Variants in KMT2D observed in about 807,000 individuals in gnomAD.
KMT2D encodes the protein lysine methyltransferase 2D.
KMT2D carries 55 observed loss-of-function variants against 512.7 expected under a neutral mutation model. That is an observed-to-expected ratio of 0.11 (90% CI 0.09 to 0.13). KMT2D has a LOEUF of 0.13. Among genes scored for constraint, KMT2D ranks in the 10% least tolerant of loss-of-function variants. The probability of loss-of-function intolerance (pLI) is 1.00; values close to 1 mark genes in which losing one functional copy is unlikely to be tolerated. For synonymous variants in KMT2D, 2,995 were observed against 2,904.0 expected (o/e 1.03, Z -1.01); for missense variants, 6,061 against 7,127.9 (o/e 0.85, Z 5.39).
intron 19 of KMT2D, 101 bp downstream of exon 19, chr12:49,045,819 C>T (rs769243674): frequency 3.8e-5 from 40 of 1,040,346 alleles, no homozygotes; most frequent in African/African-American, 6.3e-5. Flanking sequence ...GTCTGAGTTT[C>T]CTCCTCTTAA....
chr12:49,019,786 G>A lies in KMT2D; in HGVS notation c.*1994C>T. 1 of 231,732 alleles carries A rather than the reference G, an allele frequency of 4.3e-6. No individual in the cohort carries two copies. The highest frequency in any genetic ancestry group is 8.5e-6 in the Non-Finnish European group (1 of 117,054). 14.4% of individuals were successfully genotyped at this position (231,732 alleles called of 1,614,324 possible). A position where few individuals can be genotyped will look rare whatever the true frequency, so the allele number is the denominator to read the frequency against. On this transcript the variant is annotated 3_prime_UTR_variant, in exon 55 of 55. Transcript: ENST00000301067. ...AACATTTGCAGCTTGAAACAGTTGA[G>A]GAAGCAGCTTTAAAAAAAAAAAATC... is the stretch of plus-strand genomic sequence containing the variant.
rs748135755 is a variant in KMT2D, at chr12:49,030,935, G to A, written c.13629C>T (p.Asp4543=). 41 of 1,613,822 alleles carry A rather than the reference G, an allele frequency of 2.5e-5. No homozygotes were observed. The highest frequency in any genetic ancestry group is 1.3e-4 in the Admixed American group (8 of 60,004). ...VSSRKKLRKE[D]GVRASEALLK... ...GCAAGGCCTCGCTGGCCCTGACCCC[G>A]TCCTCCTTCCGCAGCTTCTTTCGGG... The change falls in exon 41 of 55, where the codon GAC becomes GAT. Residue 4543 remains aspartate, a synonymous_variant. Coordinates refer to ENST00000301067, the MANE Select transcript of KMT2D (RefSeq NM_003482.4).
chr12:49,026,986 G>C lies in KMT2D; in HGVS notation c.14980C>G (p.Leu4994Val), dbSNP rs748211657. The change falls in exon 49 of 55, where the codon CTG becomes GTG. Residue 4994 changes from leucine (L) to valine (V), a missense_variant. Physicochemically the swap from Leu to Val is conservative, Grantham distance 32. Coordinates refer to ENST00000301067, the MANE Select transcript of KMT2D (RefSeq NM_003482.4). The surrounding 1 kb of genome is among the most constrained non-coding windows in gnomAD (Gnocchi z 9.6). ...CGCCCACTGCCCTTCTGGATGGTCA[G>C]CAGCAGCCGAAGCCGCTTCCAGCGC... ...GVRWKRLRLL[L>V]TIQKGSGRQE... 2 of 1,614,034 alleles carry C rather than the reference G, an allele frequency of 1.2e-6. No homozygotes were observed. Among genetic ancestry groups the C allele is most frequent in the South Asian group, 2.2e-5 (2 of 91,090 alleles).
chr12:49,029,229 T>C lies in KMT2D; in HGVS notation c.14083A>G (p.Ser4695Gly). Residue 4695 changes from serine to glycine, a missense_variant, in exon 45 of 55, where the codon AGT becomes GGT. Physicochemically the swap from Ser to Gly is moderately conservative, Grantham distance 56. This residue lies in a region of KMT2D where 1,600 missense variants were observed against 1,754.9 expected (regional missense o/e 0.91). Transcript: ENST00000301067. Reference protein sequence around the residue: ...HNQTEDVRMESDEDSDSPDSI... With the variant: ...HNQTEDVRMEGDEDSDSPDSI... ...TCAGGAGAATCGCTATCCTCATCAC[T>C]CTCCATCCTGGGGACCAAAAGTAGA... The C allele has an allele frequency of 3.1e-6, 5 of 1,610,938 alleles. No homozygotes were observed. The highest frequency in any genetic ancestry group is 3.4e-6 in the Non-Finnish European group (4 of 1,177,436).
At position 49,030,700 on chromosome 12, in the gene KMT2D, G is replaced by A. The variant is rs398123718; in HGVS notation, c.13740C>T (p.Gly4580=). 6.2e-7 allele frequency: 1 copy of A among 1,613,654 alleles called. No individual in the cohort carries two copies. Among genetic ancestry groups the A allele is most frequent in the Non-Finnish European group, 8.5e-7 (1 of 1,179,868 alleles). The change falls in exon 42 of 55, where the codon GGC becomes GGT. Residue 4580 remains glycine (G), a synonymous_variant. Coordinates refer to ENST00000301067, the MANE Select transcript of KMT2D (RefSeq NM_003482.4). ...TCTGCCCATTGACTGGGCAGCCACTGCCAAAGGGGGCAAAGAGGCTAAAAT... is the reference window on the plus strand; with the variant it reads ...TCTGCCCATTGACTGGGCAGCCACTACCAAAGGGGGCAAAGAGGCTAAAAT... ...TANFSLFAPF[G]SGCPVNGQSQ... is the part of the protein sequence containing the mutation.
In KMT2D at chr12:49,041,727, C is replaced by T; in HGVS notation, c.6184-22G>A. On this transcript the variant is annotated intron_variant, in intron 30 of 54. Coordinates refer to ENST00000301067, the MANE Select transcript of KMT2D (RefSeq NM_003482.4). The surrounding 1 kb of genome is among the most constrained non-coding windows in gnomAD (Gnocchi z 5.4). ...TTTGCTGAGGGATATGGGACACAGC[C>T]TTAGGGCCTAGTGCTTGGTCTCATG... 2 of 1,604,330 alleles carry T rather than the reference C, an allele frequency of 1.2e-6. No homozygotes were observed. The highest frequency in any genetic ancestry group is 1.1e-5 in the South Asian group (1 of 89,826).
chr12:49,053,425 A>C (rs1938205023), intron 7 of KMT2D, 51 bp downstream of exon 7: 3 of 1,610,522 alleles, frequency 1.9e-6, no homozygotes, highest in Non-Finnish European at 2.5e-6. Context: ...CTCATTTTCA[A>C]CCCTAACCTG....
rs200964706 is a variant in KMT2D, at chr12:49,041,287, G to A, written c.6483C>T (p.Leu2161=). The A allele has an allele frequency of 5.1e-5, 78 of 1,523,512 alleles. No homozygotes were observed. The African/African-American group carries it at 9.9e-4, about 19-fold the overall frequency. The allele number at this position is 1,523,512 out of a possible 1,614,324, so 94.4% of individuals were successfully genotyped here. ...GGGCGGGCACCTGGGGTGGGAGCTT[G>A]AGGAAGAGCTCACCAGGCGAGTCAG... is the stretch of plus-strand genomic sequence containing the variant. ...PGPDSPGELF[L]KLPPQVPAQV... The change falls in exon 32 of 55, where the codon CTC becomes CTT. Residue 2161 remains leucine (L), a synonymous_variant. Transcript: ENST00000301067. This position sits in a 1 kb window ranked among gnomAD's most constrained non-coding sequence, Gnocchi z 5.4.
At chr12:49,049,263 G>A (rs933458082) in intron 12 of KMT2D, 45 bp from the exon 13 acceptor site, 8 of 1,252,312 alleles carry the variant, frequency 6.4e-6, no homozygotes, top group Non-Finnish European at 9.1e-6. Flanking sequence ...TCAAGGGCTA[G>A]TGTGTTGGGT....
Position 49,060,106 on chromosome 12 carries a change from C to G in KMT2D, c.-531G>C, listed in dbSNP as rs1938653318. ...GAACGTGAGACCCTCGCAGGAGCGC[C>G]GAGCCCCTCTCCCCGCCCCGGCCGG... On this transcript the variant is annotated 5_prime_UTR_variant, in exon 1 of 55. Coordinates refer to ENST00000301067, the MANE Select transcript of KMT2D (RefSeq NM_003482.4). Among the ~76,000 whole-genome samples, 1 of 151,266 alleles carries G rather than the reference C, an allele frequency of 6.6e-6. No homozygotes were observed. The highest frequency in any genetic ancestry group is 1.5e-5 in the Non-Finnish European group (1 of 67,732).
rs766599883 is a variant in KMT2D at position 49,038,557 on chromosome 12, T to G, written c.8799A>C (p.Lys2933Asn). The G allele has an allele frequency of 3.3e-5, 53 of 1,611,562 alleles. No homozygotes were observed. Among genetic ancestry groups the G allele is most frequent in the Non-Finnish European group, 4.2e-5 (50 of 1,178,510 alleles). ...ATTCAGGGGCCGGTGGGGCTGAGGG[T>G]TTCTGTGGGGGAAGACCTGATACCG... The part of the protein sequence containing the change: ...GLAVSGLPPQ[K>N]PSAPPAPELN... The change falls in exon 35 of 55, where the codon AAA becomes AAC. Residue 2933 changes from lysine to asparagine, a missense_variant. This residue lies in a region of KMT2D where 527 missense variants were observed against 578.9 expected (regional missense o/e 0.91). Transcript: ENST00000301067. This position sits in a 1 kb window ranked among gnomAD's most constrained non-coding sequence, Gnocchi z 5.7.
rs749022879 is a variant in KMT2D at position 49,040,453 on chromosome 12, G to C, written c.7317C>G (p.Pro2439=). Residue 2439 remains proline (P), a synonymous_variant, in exon 32 of 55, where the codon CCC becomes CCG. Coordinates refer to ENST00000301067, the MANE Select transcript of KMT2D (RefSeq NM_003482.4). ...CAGGGGACTGGAAGCGAGGGGTAAC[G>C]GGTGATGGGCAAAAAGCTTCAGCAG... The part of the protein sequence containing the change: ...PLSAEAFCPS[P]VTPRFQSPDP... 1.9e-6 allele frequency: 3 copies of C among 1,562,780 alleles called. No individual in the cohort carries two copies. The highest frequency in any genetic ancestry group is 1.2e-5 in the South Asian group (1 of 82,546).
chr12:49,045,980 G>C lies in KMT2D; in HGVS notation c.4694-13C>G, dbSNP rs2120597515. On this transcript the variant is annotated splice_polypyrimidine_tract_variant and intron_variant, in intron 18 of 54. Coordinates refer to ENST00000301067, the MANE Select transcript of KMT2D (RefSeq NM_003482.4). Reference sequence around the variant, plus strand: ...GGTGCAACAGGCGCTATGGAGAGAAGGACAAACGGAGGTGGCTGAGGTCCT... The same window carrying C: ...GGTGCAACAGGCGCTATGGAGAGAACGACAAACGGAGGTGGCTGAGGTCCT... 6.2e-7 allele frequency: 1 copy of C among 1,613,932 alleles called. No homozygotes were observed. Among genetic ancestry groups the C allele is most frequent in the Non-Finnish European group, 8.5e-7 (1 of 1,179,838 alleles).
At position 49,046,456 on chromosome 12, in the gene KMT2D, C is replaced by G. The variant is rs1168143989; in HGVS notation, c.4419-32G>C. 6.2e-7 allele frequency: 1 copy of G among 1,607,514 alleles called. No homozygotes were observed. Among genetic ancestry groups the G allele is most frequent in the Non-Finnish European group, 8.5e-7 (1 of 1,175,648 alleles). ...GGAGCAGGAAAACAGAGCTTTAGCACCCAACCTACCCGAAGTACCCAGAAG... is the reference window on the plus strand; with the variant it reads ...GGAGCAGGAAAACAGAGCTTTAGCAGCCAACCTACCCGAAGTACCCAGAAG... On this transcript the variant is annotated intron_variant, in intron 16 of 54. Transcript: ENST00000301067. This position sits in a 1 kb window ranked among gnomAD's most constrained non-coding sequence, Gnocchi z 4.2.
At position 49,032,761 on chromosome 12, in the gene KMT2D, G is replaced by C. The variant is rs1555188379; in HGVS notation, c.11944C>G (p.Arg3982Gly). 2 of 1,572,924 alleles carry C rather than the reference G, an allele frequency of 1.3e-6. No homozygotes were observed. Among genetic ancestry groups the C allele is most frequent in the Admixed American group, 1.9e-5 (1 of 52,942 alleles). Residue 3982 changes from arginine (R) to glycine (G), a missense_variant, in exon 40 of 55, where the codon CGA becomes GGA. Arg to Gly is a moderately radical substitution (Grantham distance 125). Coordinates refer to ENST00000301067, the MANE Select transcript of KMT2D (RefSeq NM_003482.4). ...TGTTGCTGAGGAGACAGTAAAGTTC[G>C]ACTCTGGTTTAAAAGGCCCATCTGC... is the stretch of plus-strand genomic sequence containing the variant. ...QQQMGLLNQS[R>G]TLLSPQQQQQ... is the part of the protein sequence containing the mutation.
rs1592143284 is a variant in KMT2D, at chr12:49,044,532, G to A, written c.4964-10C>T. The A allele has an allele frequency of 1.9e-6, 3 of 1,613,312 alleles. No homozygotes were observed. In the East Asian group the frequency reaches 6.7e-5, roughly 36 times the overall value. ...ATGTGCTCCACACCACCTGCGTATG[G>A]TGACAGAAGAGATGGAGGCAAATCA... is the stretch of plus-strand genomic sequence containing the variant. On this transcript the variant is annotated splice_polypyrimidine_tract_variant and intron_variant, in intron 20 of 54. Transcript: ENST00000301067. This position sits in a 1 kb window ranked among gnomAD's most constrained non-coding sequence, Gnocchi z 6.4.
rs756533380 is a variant in KMT2D at position 49,022,388 on chromosome 12, A to T, written c.16339-35T>A. 2.5e-6 allele frequency: 4 copies of T among 1,579,878 alleles called. No homozygotes were observed. The African/African-American group carries it at 5.4e-5, about 21-fold the overall frequency. ...CAGAGGTTGCAGAAGAAGGGACAAG[A>T]GTATCAGAGAGTGGCAGTGGTGGCT... On this transcript the variant is annotated intron_variant, in intron 52 of 54. Coordinates refer to ENST00000301067, the MANE Select transcript of KMT2D (RefSeq NM_003482.4). This position sits in a 1 kb window ranked among gnomAD's most constrained non-coding sequence, Gnocchi z 8.6.
chr12:49,052,739 T>G, intron 9 of KMT2D, 30 bp from the exon 10 acceptor site: 1 of 1,607,776 alleles, frequency 6.2e-7, no homozygotes, highest in Non-Finnish European at 8.5e-7. Context: ...GCAGGCACTG[T>G]GGCTCTCACC....
chr12:49,035,385 G>T (rs1943172125), intron 35 of KMT2D, among the ~76,000 whole-genome samples: 1 of 152,176 alleles, frequency 6.6e-6, no homozygotes, highest in Non-Finnish European at 1.5e-5. Context: ...CAAAGCCCTA[G>T]ATTCCAGAGC....
Sources: allele counts gnomAD v4.1 joint callset (sites outside exome capture counted in the v4.1 genomes callset), GRCh38; gene constraint gnomAD v4.1.1; regional missense constraint gnomAD v4.1.1; non-coding constraint Gnocchi (gnomAD v3.1); transcripts MANE v1.5; gene names NCBI Gene and HGNC (gene_info 2026-07-23, HGNC 2026-07-21).